Variants in GRM5 observed in about 807,000 individuals in gnomAD.
The protein encoded by GRM5 is glutamate metabotropic receptor 5, also known as metabotropic glutamate receptor 5.
Under a neutral mutation model 83.1 loss-of-function variants are expected in GRM5, and 19 were observed. The ratio of observed to expected loss-of-function variants is 0.23; its 90% CI spans 0.16 to 0.34. The LOEUF (loss-of-function observed/expected upper bound fraction) is 0.34, where lower values mean the gene tolerates loss of function less well. Among genes scored for constraint, GRM5 ranks in the 10% least tolerant of loss-of-function variants. The pLI, the probability that GRM5 is intolerant of heterozygous loss-of-function variation, is 1.00. For synonymous variants in GRM5, 675 were observed against 633.6 expected (o/e 1.07, Z -0.98); for missense variants, 1,160 against 1,588.3 (o/e 0.73, Z 4.58).
At chr11:88,673,892 GA>G (rs59032979) in intron 3 of GRM5, among the ~76,000 whole-genome samples, 100,875 of 146,958 alleles carry the variant, frequency 0.69, 35,486 homozygotes, top group South Asian at 0.81. Context: ...ACACTATTTT[GA>G]AAAAAAAAAA....
At chr11:88,932,912 C>T (rs1249081830) in intron 2 of GRM5, among the ~76,000 whole-genome samples, 1 of 151,856 alleles carries the variant, frequency 6.6e-6, no homozygotes, top group Non-Finnish European at 1.5e-5. Flanking sequence ...AAACTGTAAA[C>T]ATTTTATTTG....
At chr11:88,672,903 T>C (rs1940227801) in intron 3 of GRM5, among the ~76,000 whole-genome samples, 1 of 151,870 alleles carries the variant, frequency 6.6e-6, no homozygotes, top group South Asian at 2.1e-4. Context: ...GAGGGTACAG[T>C]GGTAATCAAG....
chr11:88,557,960 G>A (rs1389974948), intron 8 of GRM5, among the ~76,000 whole-genome samples: 1 of 151,858 alleles, frequency 6.6e-6, no homozygotes, highest in Non-Finnish European at 1.5e-5. Flanking sequence ...TTATTCTTCA[G>A]TGACTTCTGA....
intron 3 of GRM5, among the ~76,000 whole-genome samples, chr11:88,698,777 C>G (rs1940960718): frequency 6.6e-6 from 1 of 152,108 alleles, no homozygotes; most frequent in Non-Finnish European, 1.5e-5. Flanking sequence ...ATTTTCAGGT[C>G]TTGGCATTGC....
chr11:89,045,167 A>G (rs1941616283), intron 2 of GRM5, among the ~76,000 whole-genome samples: 1 of 152,064 alleles, frequency 6.6e-6, no homozygotes, highest in Non-Finnish European at 1.5e-5. Flanking sequence ...CAACCTAAAT[A>G]TTTTGCCTGA....
At chr11:89,049,852 C>A (rs536389934) in intron 1 of GRM5, among the ~76,000 whole-genome samples, 1 of 152,270 alleles carries the variant, frequency 6.6e-6, no homozygotes, top group South Asian at 2.1e-4. Context: ...TTGAATATTA[C>A]CAAACCTTTC....
chr11:88,995,258 G>T (rs182141440), intron 2 of GRM5, among the ~76,000 whole-genome samples: 33 of 152,090 alleles, frequency 2.2e-4, no homozygotes, highest in Middle Eastern at 3.4e-3. Context: ...GTTAAAATAA[G>T]GCCAGTGACC....
At chr11:88,794,908 G>A (rs571775630) in intron 3 of GRM5, among the ~76,000 whole-genome samples, 1 of 152,316 alleles carries the variant, frequency 6.6e-6, no homozygotes, top group African/African-American at 2.4e-5. Context: ...AGCTAAGATA[G>A]CTATGGCTGT....
intron 2 of GRM5, among the ~76,000 whole-genome samples, chr11:88,962,140 T>G (rs1938804279): frequency 6.6e-6 from 1 of 152,318 alleles, no homozygotes; most frequent in East Asian, 1.9e-4. Flanking sequence ...CTGTTCTAAC[T>G]CTCAAATCAG....
At chr11:89,037,793 A>G (rs1007776204) in intron 2 of GRM5, among the ~76,000 whole-genome samples, 5 of 152,174 alleles carry the variant, frequency 3.3e-5, no homozygotes, top group African/African-American at 4.8e-5. Context: ...TAATAAATTC[A>G]TGTGTATCGG....
intron 3 of GRM5, among the ~76,000 whole-genome samples, chr11:88,835,502 A>C (rs1371986512): frequency 6.6e-6 from 1 of 152,182 alleles, no homozygotes; most frequent in Non-Finnish European, 1.5e-5. Context: ...TCTGAGTATC[A>C]TAGGAAGTGA....
At chr11:88,713,858 T>C (rs1445499258) in intron 3 of GRM5, among the ~76,000 whole-genome samples, 1 of 151,920 alleles carries the variant, frequency 6.6e-6, no homozygotes, top group Non-Finnish European at 1.5e-5. Context: ...TCCCAAAATT[T>C]TGATTGTTCT....
intron 9 of GRM5, among the ~76,000 whole-genome samples, chr11:88,520,987 C>A (rs545515611): frequency 3.9e-5 from 6 of 152,258 alleles, no homozygotes; most frequent in African/African-American, 1.4e-4. Context: ...CCATCCCACC[C>A]TCCTTCCTTC....
At chr11:88,583,115 C>CAAAA in intron 7 of GRM5, among the ~76,000 whole-genome samples, 1 of 140,094 alleles carries the variant, frequency 7.1e-6, no homozygotes, top group African/African-American at 2.5e-5. Context: ...TATTAAAAGG[C>CAAAA]AAAAAAAAAA....
chr11:88,530,192 C>T (rs543228343), intron 8 of GRM5, among the ~76,000 whole-genome samples: 1 of 152,114 alleles, frequency 6.6e-6, no homozygotes, highest in East Asian at 1.9e-4. Context: ...TAAGCATTCC[C>T]TTAAAACATT....
At chr11:88,654,084 G>C in intron 3 of GRM5, among the ~76,000 whole-genome samples, 1 of 151,948 alleles carries the variant, frequency 6.6e-6, no homozygotes, top group East Asian at 1.9e-4. Flanking sequence ...GTGCCCAAAA[G>C]AACTTCTGAA....
chr11:88,714,515 G>T (rs570438877), intron 3 of GRM5, among the ~76,000 whole-genome samples: 1 of 152,064 alleles, frequency 6.6e-6, no homozygotes, highest in East Asian at 1.9e-4. Context: ...ATATATCATA[G>T]TTTACATGTA....
At chr11:88,710,479 A>C (rs1173354496) in intron 3 of GRM5, among the ~76,000 whole-genome samples, 1 of 152,076 alleles carries the variant, frequency 6.6e-6, no homozygotes, top group Non-Finnish European at 1.5e-5. Context: ...TTACTAATTA[A>C]GTTTTTCTTT....
chr11:88,922,228 A>G (rs1169646595), intron 2 of GRM5, among the ~76,000 whole-genome samples: 1 of 152,168 alleles, frequency 6.6e-6, no homozygotes, highest in Non-Finnish European at 1.5e-5. Flanking sequence ...TAAGTAGAAA[A>G]AGTATTCTAA....
Sources: allele counts gnomAD v4.1 joint callset (sites outside exome capture counted in the v4.1 genomes callset), GRCh38; gene constraint gnomAD v4.1.1; transcripts MANE v1.5; gene names NCBI Gene and HGNC (gene_info 2026-07-23, HGNC 2026-07-21).